Variants in PPFIBP1 observed in about 807,000 individuals in gnomAD.
PPFIBP1 encodes the protein liprin-beta-1.
PPFIBP1 carries 112 observed loss-of-function variants against 137.8 expected under a neutral mutation model. The observed-to-expected ratio is 0.81, with a 90% CI of 0.70 to 0.95. PPFIBP1 has a LOEUF of 0.95. PPFIBP1 is among the 40% of genes least tolerant of loss of function. The pLI, the probability that PPFIBP1 is intolerant of heterozygous loss-of-function variation, is 0.00. For synonymous variants in PPFIBP1, 378 were observed against 417.3 expected (o/e 0.91, Z 1.15); for missense variants, 1,083 against 1,196.6 (o/e 0.91, Z 1.40).
chr12:27,689,102 A>G lies in PPFIBP1; in HGVS notation c.2584A>G (p.Thr862Ala). The G allele has an allele frequency of 6.2e-7, 1 of 1,611,036 alleles. No homozygotes were observed. Among genetic ancestry groups the G allele is most frequent in the South Asian group, 1.1e-5 (1 of 90,180 alleles). The part of the protein sequence containing the change: ...NKTLLRRHLA[T>A]HFNLLIGAEA... ...GACTTTGCTGCGAAGACATTTGGCC[A>G]CTCATTTCAACCTTCTGATTGGGGC... is the stretch of plus-strand genomic sequence containing the variant. Residue 862 changes from threonine to alanine, a missense_variant, in exon 27 of 30, where the codon ACT becomes GCT. Thr to Ala is a moderately conservative substitution (Grantham distance 58). Coordinates refer to ENST00000228425, the MANE Select transcript of PPFIBP1 (RefSeq NM_003622.4).
In PPFIBP1 at chr12:27,609,926, C is replaced by T. The variant is rs144383181; in HGVS notation, c.-35-23436C>T. Among the ~76,000 whole-genome samples, 223 of 152,138 alleles carry T rather than the reference C, an allele frequency of 1.5e-3. 1 individual carries two copies. Among genetic ancestry groups the T allele is most frequent in the South Asian group, 3.9e-3 (19 of 4,812 alleles). On this transcript the variant is annotated intron_variant, in intron 2 of 29. Transcript: ENST00000228425. ...ATTGAGATTAAAACTGACAAATGGC[C>T]CCAGTCTATTGCTTTTTGAAAACAA... is the stretch of plus-strand genomic sequence containing the variant.
intron 2 of PPFIBP1, among the ~76,000 whole-genome samples, chr12:27,585,029 A>C (rs2051564784): frequency 6.6e-6 from 1 of 152,206 alleles, no homozygotes; most frequent in African/African-American, 2.4e-5. Context: ...TAACTTGCAT[A>C]AATGTGTATC....
rs143847599 is a variant in PPFIBP1 at position 27,647,774 on chromosome 12, C to A, written c.403C>A (p.Arg135=). The part of the protein sequence containing the change: ...DQVEAQGEKI[R]DLEFCLEEHR... Reference sequence around the variant, plus strand: ...GGTGGAGGCTCAGGGAGAGAAGATTCGAGATTTGGAGTTTTGTCTTGAAGA... The same window carrying A: ...GGTGGAGGCTCAGGGAGAGAAGATTAGAGATTTGGAGTTTTGTCTTGAAGA... The change falls in exon 6 of 30, where the codon CGA becomes AGA. Residue 135 remains arginine (R), a synonymous_variant. Transcript: ENST00000228425. The A allele has an allele frequency of 2.7e-4, 438 of 1,610,424 alleles. 1 individual carries two copies. Among genetic ancestry groups the A allele is most frequent in the African/African-American group, 1.2e-3 (86 of 74,738 alleles).
intron 1 of PPFIBP1, among the ~76,000 whole-genome samples, chr12:27,544,318 T>G (rs1945993032): frequency 6.6e-6 from 1 of 152,130 alleles, no homozygotes; most frequent in Non-Finnish European, 1.5e-5. Context: ...CTAAAAAATA[T>G]GCCTAGTGAT....
At chr12:27,535,579 TG>T (rs1944906298) in intron 1 of PPFIBP1, among the ~76,000 whole-genome samples, 1 of 151,460 alleles carries the variant, frequency 6.6e-6, no homozygotes, top group Non-Finnish European at 1.5e-5. Flanking sequence ...AATTTTTTTT[TG>T]TAGAGACAGG....
chr12:27,691,927 A>T lies in PPFIBP1; in HGVS notation c.2864A>T (p.Gln955Leu), dbSNP rs1330965832. The T allele has an allele frequency of 6.2e-7, 1 of 1,602,450 alleles. No individual in the cohort carries two copies. The highest frequency in any genetic ancestry group is 2.2e-5 in the East Asian group (1 of 44,708). The change falls in exon 28 of 30, where the codon CAG (glutamine) becomes CTG (leucine). Residue 955 changes from glutamine (Q) to leucine (L), a missense_variant and splice_region_variant. Transcript: ENST00000228425. Reference sequence around the variant, plus strand: ...GAAGATGATTTGGACCGGTTAGAGCAGGTAAATCCAACACTGTATAACTTT... The same window carrying T: ...GAAGATGATTTGGACCGGTTAGAGCTGGTAAATCCAACACTGTATAACTTT... ...YEEDDLDRLEQMEDSEGTVRQ... is the reference protein window; with the variant it reads ...YEEDDLDRLELMEDSEGTVRQ...
intron 1 of PPFIBP1, among the ~76,000 whole-genome samples, chr12:27,539,003 C>T (rs1429010938): frequency 6.6e-6 from 1 of 152,150 alleles, no homozygotes; most frequent in Non-Finnish European, 1.5e-5. Context: ...TGTGGCTAAC[C>T]ATCCTACAAT....
At chr12:27,543,457 G>C (rs1229706675) in intron 1 of PPFIBP1, among the ~76,000 whole-genome samples, 2 of 152,120 alleles carry the variant, frequency 1.3e-5, no homozygotes, top group African/African-American at 4.8e-5. Flanking sequence ...ATTGGGTTAA[G>C]GGTTAACATT....
chr12:27,528,911 G>A (rs1002524669), intron 1 of PPFIBP1, among the ~76,000 whole-genome samples: 3 of 152,198 alleles, frequency 2.0e-5, no homozygotes, highest in Non-Finnish European at 2.9e-5. Flanking sequence ...CAGTTTGTGA[G>A]TGCTCTTTGG....
intron 2 of PPFIBP1, among the ~76,000 whole-genome samples, chr12:27,603,686 G>A (rs1438287168): frequency 5.9e-5 from 9 of 152,108 alleles, no homozygotes; most frequent in African/African-American, 1.2e-4. Flanking sequence ...GCATCCTTTC[G>A]CAATGTTTCA....
chr12:27,545,235 G>A lies in PPFIBP1; in HGVS notation c.-124+20870G>A, dbSNP rs138694122. On this transcript the variant is annotated intron_variant, in intron 1 of 29. Coordinates refer to ENST00000228425, the MANE Select transcript of PPFIBP1 (RefSeq NM_003622.4). ...ACATCACACATTGGGGCCTGTTGGAGGGGTGGGGGGCAAAGGGAGGGATAG... is the reference window on the plus strand; with the variant it reads ...ACATCACACATTGGGGCCTGTTGGAAGGGTGGGGGGCAAAGGGAGGGATAG... 4.2e-3 allele frequency among the ~76,000 whole-genome samples: 635 copies of A among 152,234 alleles called. 3 individuals are homozygous for A. The highest frequency in any genetic ancestry group is 0.015 in the African/African-American group (614 of 41,522).
chr12:27,633,451 A>G lies in PPFIBP1; in HGVS notation c.55A>G (p.Ile19Val), dbSNP rs1565905610. 2 of 1,612,486 alleles carry G rather than the reference A, an allele frequency of 1.2e-6. No individual in the cohort carries two copies. The highest frequency in any genetic ancestry group is 8.5e-7 in the Non-Finnish European group (1 of 1,179,772). The change falls in exon 3 of 30, where the codon ATC becomes GTC. Residue 19 changes from isoleucine (I) to valine (V), a missense_variant. Coordinates refer to ENST00000228425, the MANE Select transcript of PPFIBP1 (RefSeq NM_003622.4). ...LAAALEQMDG[I>V]IAGSKALEYS... ...TGCAGCGTTGGAGCAGATGGATGGT[A>G]TCATAGCAGGTGATCTGCATCCTGT...
At chr12:27,649,624 C>T (rs962840723) in intron 6 of PPFIBP1, among the ~76,000 whole-genome samples, 4 of 152,106 alleles carry the variant, frequency 2.6e-5, no homozygotes, top group African/African-American at 4.8e-5. Context: ...GATCTCCGCT[C>T]CCTGTAACCT....
In PPFIBP1 at chr12:27,563,782, G is replaced by T. The variant is rs146673448; in HGVS notation, c.-123-14370G>T. Among the ~76,000 whole-genome samples, 184 of 151,860 alleles carry T rather than the reference G, an allele frequency of 1.2e-3. 2 individuals carry two copies. The highest frequency in any genetic ancestry group is 7.9e-4 in the Admixed American group (12 of 15,258). Reference sequence around the variant, plus strand: ...TAATATGTCATTGTGCATATGTGGGGTTTTTTTGTTTTTTAACATAAAGGG... The same window carrying T: ...TAATATGTCATTGTGCATATGTGGGTTTTTTTTGTTTTTTAACATAAAGGG... On this transcript the variant is annotated intron_variant, in intron 1 of 29. Coordinates refer to ENST00000228425, the MANE Select transcript of PPFIBP1 (RefSeq NM_003622.4).
In PPFIBP1 at chr12:27,526,521, A is replaced by C. The variant is rs61915290; in HGVS notation, c.-124+2156A>C. Among the ~76,000 whole-genome samples, 558 of 152,306 alleles carry C rather than the reference A, an allele frequency of 3.7e-3. 2 individuals are homozygous for C. Among genetic ancestry groups the C allele is most frequent in the Non-Finnish European group, 5.9e-3 (398 of 68,026 alleles). On this transcript the variant is annotated intron_variant, in intron 1 of 29. Transcript: ENST00000228425. The stretch of plus-strand genomic sequence containing the variant: ...AATTCCTGTGACCAACAACTGTCAT[A>C]TTTCCAAGAGCAACTTTAAAAATTA...
chr12:27,609,329 G>A (rs1432341400), intron 2 of PPFIBP1, among the ~76,000 whole-genome samples: 1 of 152,110 alleles, frequency 6.6e-6, no homozygotes, highest in Admixed American at 6.5e-5. Flanking sequence ...TTTAGAAATG[G>A]CATCCTCATC....
chr12:27,568,241 T>G (rs1425682783), intron 1 of PPFIBP1, among the ~76,000 whole-genome samples: 1 of 152,242 alleles, frequency 6.6e-6, no homozygotes, highest in Non-Finnish European at 1.5e-5. Context: ...TAGGCAAATG[T>G]AGCCACAGTA....
intron 1 of PPFIBP1, among the ~76,000 whole-genome samples, chr12:27,540,732 T>C (rs1018395148): frequency 6.6e-6 from 1 of 152,240 alleles, no homozygotes; most frequent in African/African-American, 2.4e-5. Context: ...TTAGTAGCAT[T>C]TGATAATTTT....
intron 2 of PPFIBP1, among the ~76,000 whole-genome samples, chr12:27,591,508 A>G (rs2052514841): frequency 6.6e-6 from 1 of 152,314 alleles, no homozygotes; most frequent in Non-Finnish European, 1.5e-5. Context: ...CTTTTGGTAA[A>G]TACTGCTCTG....
Sources: gnomAD v4.1 joint callset for allele counts (sites outside exome capture counted in the v4.1 genomes callset) on GRCh38, gnomAD v4.1.1 for gene constraint, MANE v1.5 for transcripts, NCBI Gene and HGNC (gene_info 2026-07-23, HGNC 2026-07-21) for gene names.